Variants in C3orf20 observed in about 807,000 individuals in gnomAD.
C3orf20 encodes the protein family with sequence similarity 149 member C.
Under a neutral mutation model 88.3 loss-of-function variants are expected in C3orf20, and 76 were observed. The ratio of observed to expected loss-of-function variants is 0.86; its 90% CI spans 0.72 to 1.04. C3orf20 has a LOEUF of 1.04. Among genes scored for constraint, C3orf20 ranks in the 50% least tolerant of loss-of-function variants. The pLI, the probability that C3orf20 is intolerant of heterozygous loss-of-function variation, is 0.00. For synonymous variants in C3orf20, 436 were observed against 437.4 expected, an observed-to-expected ratio of 1.00 and a Z score of 0.04; for missense variants, 1,056 against 1,123.3, an observed-to-expected ratio of 0.94 and a Z score of 0.86.
chr3:14,769,451 C>A (rs2035802718), intron 15 of C3orf20, among the ~76,000 whole-genome samples: 1 of 152,000 alleles, frequency 6.6e-6, no homozygotes, highest in Non-Finnish European at 1.5e-5. Context: ...AACATGCTAT[C>A]CAGATGGGAG....
intron 12 of C3orf20, among the ~76,000 whole-genome samples, chr3:14,746,783 A>G (rs973127693): frequency 2.0e-5 from 3 of 152,244 alleles, no homozygotes; most frequent in African/African-American, 4.8e-5. Context: ...TCTTAGATCC[A>G]TGGGCATTAA....
chr3:14,678,919 A>G (rs181447636), intron 1 of C3orf20, among the ~76,000 whole-genome samples: 5 of 152,340 alleles, frequency 3.3e-5, no homozygotes, highest in African/African-American at 4.8e-5. Flanking sequence ...GGAATGACAT[A>G]CAAGGCCCTG....
At chr3:14,761,399 C>T in intron 14 of C3orf20, 74 bp from the exon 15 acceptor site, 1 of 1,568,954 alleles carries the variant, frequency 6.4e-7, no homozygotes, top group Admixed American at 1.7e-5. Flanking sequence ...AAATTCCAAA[C>T]TTGCCTGTCT....
Position 14,690,106 on chromosome 3 carries a change from G to T in C3orf20, c.735G>T (p.Lys245Asn), listed in dbSNP as rs1406103162. Reference protein sequence around the residue: ...SFSLSAGKEAKKKIGKSRTTE... With the variant: ...SFSLSAGKEANKKIGKSRTTE... The stretch of plus-strand genomic sequence containing the variant: ...CTCTCTCTGCTGGAAAAGAAGCCAA[G>T]AAGAAAATAGGTAAAAATGGTTCCT... Residue 245 changes from lysine (K) to asparagine (N), a missense_variant, in exon 5 of 17, where the codon AAG becomes AAT. By Grantham distance (94) the Lys-to-Asn change is moderately conservative. Coordinates refer to ENST00000253697, the MANE Select transcript of C3orf20 (RefSeq NM_032137.5). 1 of 1,614,152 alleles carries T rather than the reference G, an allele frequency of 6.2e-7. No individual in the cohort carries two copies. Among genetic ancestry groups the T allele is most frequent in the East Asian group, 2.2e-5 (1 of 44,872 alleles).
At position 14,772,816 on chromosome 3, in the gene C3orf20, C is replaced by T. The variant is rs1192330522; in HGVS notation, c.2656C>T (p.His886Tyr). 4 of 1,614,016 alleles carry T rather than the reference C, an allele frequency of 2.5e-6. No homozygotes were observed. Among genetic ancestry groups the T allele is most frequent in the Non-Finnish European group, 2.5e-6 (3 of 1,179,898 alleles). The change falls in exon 17 of 17, where the codon CAT becomes TAT. Residue 886 changes from histidine (H) to tyrosine (Y), a missense_variant. Coordinates refer to ENST00000253697, the MANE Select transcript of C3orf20 (RefSeq NM_032137.5). The surrounding 1 kb of genome is among the most constrained non-coding windows in gnomAD (Gnocchi z 4.2). ...GACAAGAGAGCCTGAAGTGGAGCTA[C>T]ATCCTCTCAGCAGGGACAGCAAGAT... ...EKTREPEVEL[H>Y]PLSRDSKITS... is the part of the protein sequence containing the mutation.
At position 14,714,022 on chromosome 3, in the gene C3orf20, C is replaced by T. The variant is rs371616771; in HGVS notation, c.1176C>T (p.Asn392=). Residue 392 remains asparagine, a synonymous_variant, in exon 8 of 17, where the codon AAC becomes AAT. Transcript: ENST00000253697. ...TTTCTGCCAGCTATCCCTCTGGAAA[C>T]GTCGCTGTATGTCAGATCCCCACAT... is the stretch of plus-strand genomic sequence containing the variant. ...GSSFVYYPSG[N]VAVCQIPTCC... is the part of the protein sequence containing the mutation. The T allele has an allele frequency of 3.2e-5, 51 of 1,613,938 alleles. No homozygotes were observed. Among genetic ancestry groups the T allele is most frequent in the African/African-American group, 6.7e-5 (5 of 74,890 alleles).
At chr3:14,757,718 G>A (rs1297604644) in intron 13 of C3orf20, 44 bp downstream of exon 13, 2 of 1,563,270 alleles carry the variant, frequency 1.3e-6, no homozygotes, top group Non-Finnish European at 1.7e-6. Context: ...CCAGGGGCAG[G>A]GGTAGTGGGG....
intron 12 of C3orf20, among the ~76,000 whole-genome samples, chr3:14,731,028 A>G (rs2034525632): frequency 6.6e-6 from 1 of 152,104 alleles, no homozygotes; most frequent in South Asian, 2.1e-4. Flanking sequence ...ACCAAGCCCT[A>G]TATATACTCT....
chr3:14,771,074 G>A (rs930884044), intron 15 of C3orf20, among the ~76,000 whole-genome samples: 12 of 152,330 alleles, frequency 7.9e-5, no homozygotes, highest in South Asian at 2.1e-4. Context: ...TGGTTTAGGA[G>A]GCAGAGCCTT....
At chr3:14,684,735 C>T (rs1226924198) in intron 4 of C3orf20, among the ~76,000 whole-genome samples, 2 of 152,242 alleles carry the variant, frequency 1.3e-5, no homozygotes, top group Non-Finnish European at 2.9e-5. Flanking sequence ...ATAAATGTCA[C>T]AGCAGTGTCA....
chr3:14,746,677 G>A (rs1033785082), intron 12 of C3orf20, among the ~76,000 whole-genome samples: 1 of 152,278 alleles, frequency 6.6e-6, no homozygotes, highest in African/African-American at 2.4e-5. Context: ...TCAAAGTCAA[G>A]GACCCTAGAC....
At chr3:14,750,915 G>C (rs964873990) in intron 12 of C3orf20, among the ~76,000 whole-genome samples, 2 of 152,020 alleles carry the variant, frequency 1.3e-5, no homozygotes, top group Admixed American at 6.6e-5. Context: ...TGTCCTTCTA[G>C]GATTCCCATT....
intron 6 of C3orf20, among the ~76,000 whole-genome samples, chr3:14,703,674 T>A (rs918948840): frequency 6.6e-6 from 1 of 152,248 alleles, no homozygotes; most frequent in Non-Finnish European, 1.5e-5. Context: ...CCCCTTTGCA[T>A]GGCTCCTTAC....
chr3:14,715,174 C>T, intron 8 of C3orf20, 115 bp from the exon 9 acceptor site: 4 of 1,333,876 alleles, frequency 3.0e-6, no homozygotes, highest in Non-Finnish European at 4.1e-6. Context: ...TGCAGGACTC[C>T]ACCACTCCTC....
At chr3:14,757,274 C>T in intron 12 of C3orf20, 97 bp from the exon 13 acceptor site, 2 of 1,086,078 alleles carry the variant, frequency 1.8e-6, no homozygotes, top group South Asian at 3.1e-5. Context: ...AATCTGCCTG[C>T]AGCAGGGCCT....
chr3:14,709,165 A>G (rs2033641643), intron 7 of C3orf20, among the ~76,000 whole-genome samples: 2 of 152,230 alleles, frequency 1.3e-5, no homozygotes, highest in African/African-American at 4.8e-5. Flanking sequence ...AAATAAATGG[A>G]AAGACATCTT....
intron 10 of C3orf20, among the ~76,000 whole-genome samples, chr3:14,724,536 C>T (rs2034281795): frequency 6.6e-6 from 1 of 152,182 alleles, no homozygotes; most frequent in South Asian, 2.1e-4. Flanking sequence ...CCATGAGTCA[C>T]ACATGGCAAT....
chr3:14,707,444 C>CG (rs1331536810), intron 7 of C3orf20, among the ~76,000 whole-genome samples: 3 of 86,502 alleles, frequency 3.5e-5, no homozygotes, highest in African/African-American at 1.6e-4. Flanking sequence ...AGCATCTTTT[C>CG]TTGTGTGTGT....
chr3:14,703,522 G>A (rs960711919), intron 6 of C3orf20, among the ~76,000 whole-genome samples: 1 of 152,224 alleles, frequency 6.6e-6, no homozygotes, highest in Non-Finnish European at 1.5e-5. Context: ...CAGGATTGAT[G>A]CCCATTTTGT....
Sources: gnomAD v4.1 joint callset for allele counts (sites outside exome capture counted in the v4.1 genomes callset) on GRCh38, gnomAD v4.1.1 for gene constraint, Gnocchi (gnomAD v3.1) non-coding constraint, MANE v1.5 for transcripts, NCBI Gene and HGNC (gene_info 2026-07-23, HGNC 2026-07-21) for gene names.